Variants in MCTP2 observed in about 807,000 individuals in gnomAD.
MCTP2 encodes multiple C2 and transmembrane domain containing 2, also known as multiple C2 and transmembrane domain-containing protein 2.
A neutral mutation model predicts 111.6 loss-of-function variants in MCTP2; 132 were observed. The observed-to-expected ratio is 1.18, with a 90% CI of 1.03 to 1.37. The LOEUF is 1.37. MCTP2 is among the 40% of genes most tolerant of loss of function. The pLI is 0.00. For synonymous variants in MCTP2, 395 were observed against 387.7 expected, an observed-to-expected ratio of 1.02 and a Z score of -0.22; for missense variants, 1,183 against 1,067.9, an observed-to-expected ratio of 1.11 and a Z score of -1.50.
At position 94,472,596 on chromosome 15, in the gene MCTP2, G is replaced by A. The variant is rs1258155396; in HGVS notation, c.2470+2154G>A. 2.6e-5 allele frequency among the ~76,000 whole-genome samples: 4 copies of A among 152,130 alleles called. No individual in the cohort carries two copies. The South Asian group carries it at 6.2e-4, about 24-fold the overall frequency. On this transcript the variant is annotated intron_variant, in intron 21 of 22. Transcript: ENST00000357742. ...ATGGATAAAGTTATTAAATGGTATG[G>A]AGTTTATTATGCTCTCTTGGGCTGT...
At chr15:94,478,491 A>G (rs2074546983) in intron 22 of MCTP2, among the ~76,000 whole-genome samples, 1 of 152,232 alleles carries the variant, frequency 6.6e-6, no homozygotes, top group East Asian at 1.9e-4. Context: ...AAATCTATAT[A>G]AAAGTCTGGG....
rs529817218 is a variant in MCTP2 at position 94,480,883 on chromosome 15, C to T, written c.*1849C>T. 1.3e-5 allele frequency: 2 copies of T among 152,232 alleles called. No homozygotes were observed. Among genetic ancestry groups the T allele is most frequent in the South Asian group, 2.1e-4 (1 of 4,828 alleles). 9.4% of individuals were successfully genotyped at this position (152,232 alleles called of 1,614,324 possible). ...AGTTAGACTTGTTTCCTCTGTAGCC[C>T]GATTGAAATTCTCAGTGTTAAGTTT... is the stretch of plus-strand genomic sequence containing the variant. On this transcript the variant is annotated 3_prime_UTR_variant, in exon 23 of 23. Transcript: ENST00000357742.
At chr15:94,335,795 G>A (rs750489035) in intron 4 of MCTP2, among the ~76,000 whole-genome samples, 2 of 152,202 alleles carry the variant, frequency 1.3e-5, no homozygotes, top group Admixed American at 6.5e-5. Flanking sequence ...GCTGGTATGA[G>A]CAGAGCTCCA....
chr15:94,367,831 C>A, intron 11 of MCTP2, 40 bp downstream of exon 11: 2 of 1,517,122 alleles, frequency 1.3e-6, no homozygotes, highest in Middle Eastern at 1.9e-4. Context: ...CCTCCTCCCA[C>A]CTTCTCTTTT....
chr15:94,344,621 T>G (rs7162768), intron 7 of MCTP2, among the ~76,000 whole-genome samples: 22,013 of 151,000 alleles, frequency 0.15, no homozygotes, highest in Admixed American at 0.19. Flanking sequence ...TAGCACATTT[T>G]CTTAATTATG....
chr15:94,465,815 C>T (rs2073231277), intron 20 of MCTP2, among the ~76,000 whole-genome samples: 1 of 152,154 alleles, frequency 6.6e-6, no homozygotes, highest in Non-Finnish European at 1.5e-5. Context: ...GGAATTGAAA[C>T]ACTCTTGCTA....
intron 17 of MCTP2, chr15:94,402,256 T>C: frequency 1.0e-6 from 1 of 973,472 alleles, no homozygotes; most frequent in Non-Finnish European, 1.2e-6. Flanking sequence ...CAGTTGTTGT[T>C]ACAGCTACAT....
intron 21 of MCTP2, 95 bp from the exon 22 acceptor site, chr15:94,476,597 TTGAC>T (rs1299559436): frequency 9.5e-6 from 7 of 735,928 alleles, no homozygotes; most frequent in East Asian, 2.7e-5. Context: ...AGATAGATGA[TTGAC>T]TGACAGATAG....
At chr15:94,396,073 G>A (rs997500161) in intron 14 of MCTP2, among the ~76,000 whole-genome samples, 1 of 152,088 alleles carries the variant, frequency 6.6e-6, no homozygotes, top group African/African-American at 2.4e-5. Flanking sequence ...CCATGAAAAG[G>A]CAAGTATACA....
At chr15:94,258,915 A>T (rs2152279099) in intron 1 of MCTP2, among the ~76,000 whole-genome samples, 1 of 152,344 alleles carries the variant, frequency 6.6e-6, no homozygotes, top group African/African-American at 2.4e-5. Flanking sequence ...TTTTGAGCAG[A>T]CACACCCAAT....
At position 94,398,977 on chromosome 15, in the gene MCTP2, C is replaced by G. The variant is rs138009671; in HGVS notation, c.1805C>G (p.Pro602Arg). ...IPLLSIRDGQ[P>R]NCYVLKNKDL... ...TTGTGACAGATTAGAGATGGACAAC[C>G]GAATTGTTATGTACTAAAGAATAAA... The change falls in exon 15 of 23, where the codon CCG (proline) becomes CGG (arginine). Residue 602 changes from proline to arginine, a missense_variant. By Grantham distance (103) the Pro-to-Arg change is moderately radical. Coordinates refer to ENST00000357742, the MANE Select transcript of MCTP2 (RefSeq NM_001385001.1). The G allele has an allele frequency of 6.4e-7, 1 of 1,553,342 alleles. No homozygotes were observed. Among genetic ancestry groups the G allele is most frequent in the Admixed American group, 1.7e-5 (1 of 59,316 alleles).
At chr15:94,299,091 G>A (rs1199018592) in intron 2 of MCTP2, among the ~76,000 whole-genome samples, 1 of 135,836 alleles carries the variant, frequency 7.4e-6, no homozygotes, top group East Asian at 2.2e-4. Context: ...TTATTTTCGT[G>A]GTTAGCTCAG....
intron 21 of MCTP2, among the ~76,000 whole-genome samples, chr15:94,471,319 A>T (rs930989989): frequency 1.3e-5 from 2 of 152,210 alleles, no homozygotes; most frequent in African/African-American, 4.8e-5. Flanking sequence ...TGTTTGGGGA[A>T]ATCACAAAGA....
intron 7 of MCTP2, chr15:94,342,364 A>G (rs559311109): frequency 2.0e-5 from 3 of 152,240 alleles, no homozygotes; most frequent in East Asian, 3.9e-4. Flanking sequence ...GTTTTTGTAA[A>G]AGATCTCAAA....
chr15:94,423,418 G>T (rs2082719542), intron 17 of MCTP2, among the ~76,000 whole-genome samples: 1 of 152,104 alleles, frequency 6.6e-6, no homozygotes, highest in Non-Finnish European at 1.5e-5. Context: ...TTTACTGTTA[G>T]AAAATTTAAT....
At chr15:94,373,785 A>G (rs2079609663) in intron 12 of MCTP2, among the ~76,000 whole-genome samples, 1 of 152,218 alleles carries the variant, frequency 6.6e-6, no homozygotes, top group Non-Finnish European at 1.5e-5. Context: ...TGTTTTTTAA[A>G]GAATTTGCTT....
chr15:94,298,943 C>T (rs1343291804), intron 2 of MCTP2, among the ~76,000 whole-genome samples: 4 of 7,466 alleles, frequency 5.4e-4, no homozygotes, highest in Non-Finnish European at 6.6e-4. Context: ...CTCTCCCTCT[C>T]TCCCTCTCTC....
At chr15:94,321,233 G>T (rs75278843) in intron 4 of MCTP2, among the ~76,000 whole-genome samples, 1 of 152,018 alleles carries the variant, frequency 6.6e-6, no homozygotes, top group African/African-American at 2.4e-5. Flanking sequence ...AAGTTACAGT[G>T]TTCAATGGCT....
At chr15:94,394,129 A>G (rs145735279) in intron 14 of MCTP2, among the ~76,000 whole-genome samples, 1 of 151,790 alleles carries the variant, frequency 6.6e-6, no homozygotes, top group African/African-American at 2.4e-5. Context: ...TTCAATTATG[A>G]TCATGATGGT....
Sources: gnomAD v4.1 joint callset for allele counts (sites outside exome capture counted in the v4.1 genomes callset) on GRCh38, gnomAD v4.1.1 for gene constraint, MANE v1.5 for transcripts, NCBI Gene and HGNC (gene_info 2026-07-23, HGNC 2026-07-21) for gene names.